The following AFAP1 variants were observed in gnomAD, a reference collection of about 807,000 sequenced individuals.
AFAP1 encodes actin filament-associated protein 1.
A neutral mutation model predicts 93.9 loss-of-function variants in AFAP1; 75 were observed. The ratio of observed to expected loss-of-function variants is 0.80; its 90% confidence interval spans 0.66 to 0.97. The LOEUF is 0.97. AFAP1 is among the 50% of genes least tolerant of loss of function. The pLI is 0.00. For missense variants in AFAP1, 1,201 were observed against 1,050.8 expected, an observed-to-expected ratio of 1.14 and a Z score of -1.98; for synonymous variants, 517 against 430.7, an observed-to-expected ratio of 1.20 and a Z score of -2.48.
Position 7,842,041 on chromosome 4 carries a change from T to C in AFAP1, c.546+1098A>G, listed in dbSNP as rs944904645. ...ATTATGTATTTCTAAAACATTCATA[T>C]AATATATCCACATCTTGTAGCCATT... On this transcript the variant is annotated intron_variant, in intron 5 of 17. Coordinates refer to ENST00000420658, the MANE Select transcript of AFAP1 (RefSeq NM_001134647.2). 2.6e-5 allele frequency among the ~76,000 whole-genome samples: 4 copies of C among 152,218 alleles called. No individual in the cohort carries two copies. The South Asian group carries it at 8.3e-4, about 32-fold the overall frequency.
chr4:7,828,358 T>G (rs1192714167), intron 6 of AFAP1, among the ~76,000 whole-genome samples: 1 of 152,216 alleles, frequency 6.6e-6, no homozygotes, highest in Non-Finnish European at 1.5e-5. Context: ...TTAAGATGGT[T>G]GCCTTAGGGT....
intron 16 of AFAP1, chr4:7,772,586 C>G: frequency 1.9e-6 from 1 of 534,538 alleles, no homozygotes; most frequent in Non-Finnish European, 3.3e-6. Flanking sequence ...AAGACACAGA[C>G]TCAGCATTTC....
intron 6 of AFAP1, among the ~76,000 whole-genome samples, chr4:7,836,400 A>C (rs558521600): frequency 1.3e-5 from 2 of 152,340 alleles, no homozygotes; most frequent in Admixed American, 1.3e-4. Flanking sequence ...GTGGCTGCCT[A>C]AGAAGAACAG....
At chr4:7,897,361 G>T (rs1288679288) in intron 1 of AFAP1, among the ~76,000 whole-genome samples, 1 of 152,184 alleles carries the variant, frequency 6.6e-6, no homozygotes, top group Non-Finnish European at 1.5e-5. Flanking sequence ...TAAATGAGCT[G>T]AACACACAAC....
intron 6 of AFAP1, among the ~76,000 whole-genome samples, chr4:7,831,992 T>C (rs908037413): frequency 6.6e-6 from 1 of 152,144 alleles, no homozygotes; most frequent in Non-Finnish European, 1.5e-5. Flanking sequence ...AACCCTGACT[T>C]AGACCCCCTG....
In AFAP1 at chr4:7,793,742, A is replaced by G; in HGVS notation, c.1351T>C (p.Tyr451His). ...GSSTDPEALHYDYIDVEMSAS... is the reference protein window; with the variant it reads ...GSSTDPEALHHDYIDVEMSAS... ...GACATCTCCACATCAATGTAGTCAT[A>G]GTGCAGAGCCTCCGGGTCTGTGGAC... The change falls in exon 11 of 18, where the codon TAT becomes CAT. Residue 451 changes from tyrosine to histidine, a missense_variant. Coordinates refer to ENST00000420658, the MANE Select transcript of AFAP1 (RefSeq NM_001134647.2). 2 of 1,578,428 alleles carry G rather than the reference A, an allele frequency of 1.3e-6. No individual in the cohort carries two copies. Among genetic ancestry groups the G allele is most frequent in the East Asian group, 2.3e-5 (1 of 44,176 alleles).
At chr4:7,808,198 G>A (rs577257752) in intron 9 of AFAP1, among the ~76,000 whole-genome samples, 39 of 152,126 alleles carry the variant, frequency 2.6e-4, no homozygotes, top group Non-Finnish European at 4.9e-4. Context: ...TCTCGAAAAC[G>A]TAGCTCATCA....
chr4:7,866,198 GTTT>G (rs999526802), intron 3 of AFAP1, among the ~76,000 whole-genome samples: 2 of 128,902 alleles, frequency 1.6e-5, no homozygotes, highest in Non-Finnish European at 3.2e-5. Context: ...CGCCCAGCAG[GTTT>G]TTTGTTTTTT....
chr4:7,837,341 G>A (rs1712424373), intron 6 of AFAP1, among the ~76,000 whole-genome samples: 1 of 152,146 alleles, frequency 6.6e-6, no homozygotes, highest in Admixed American at 6.5e-5. Context: ...ACTAGGTCAT[G>A]AGGGCAGAGC....
At chr4:7,907,798 T>A (rs769946461) in intron 1 of AFAP1, among the ~76,000 whole-genome samples, 13 of 152,212 alleles carry the variant, frequency 8.5e-5, no homozygotes, top group Non-Finnish European at 1.5e-4. Context: ...GGATATTCAA[T>A]CTGCATTGTT....
chr4:7,857,064 CT>C (rs1257281485), intron 3 of AFAP1, among the ~76,000 whole-genome samples: 1 of 152,114 alleles, frequency 6.6e-6, no homozygotes, highest in Non-Finnish European at 1.5e-5. Context: ...TATTCTTTCT[CT>C]CTCCCCTTTT....
chr4:7,827,241 AT>A lies in AFAP1; in HGVS notation c.727-8071del, dbSNP rs11297729. Among the ~76,000 whole-genome samples, 1,374 of 152,218 alleles carry A rather than the reference AT, an allele frequency of 9.0e-3. 16 individuals carry two copies. Among genetic ancestry groups the A allele is most frequent in the African/African-American group, 0.023 (953 of 41,528 alleles). The stretch of plus-strand genomic sequence containing the variant: ...GGAGTATCCACAATCTACGGGAAGT[AT>A]CAGAGGACCCAACATACCTACAGAT... On this transcript the variant is annotated intron_variant, in intron 6 of 17. Coordinates refer to ENST00000420658, the MANE Select transcript of AFAP1 (RefSeq NM_001134647.2).
intron 1 of AFAP1, among the ~76,000 whole-genome samples, chr4:7,883,045 T>C (rs1482488120): frequency 6.6e-6 from 1 of 150,876 alleles, no homozygotes; most frequent in African/African-American, 2.4e-5. Flanking sequence ...ATTAGCCAGA[T>C]GTGATGGCAC....
intron 7 of AFAP1, 30 bp downstream of exon 7, chr4:7,819,046 G>A (rs200629240): frequency 2.3e-5 from 35 of 1,552,128 alleles, no homozygotes; most frequent in Admixed American, 9.8e-5. Context: ...CAAGGTCACC[G>A]TCCCCACCCA....
chr4:7,904,898 G>A (rs1354154507), intron 1 of AFAP1, among the ~76,000 whole-genome samples: 1 of 152,072 alleles, frequency 6.6e-6, no homozygotes, highest in Non-Finnish European at 1.5e-5. Context: ...TTGTAGGGAT[G>A]GGGTTTTGCT....
At position 7,758,967 on chromosome 4, in the gene AFAP1, C is replaced by T. The variant is rs986895634; in HGVS notation, c.*4798G>A. On this transcript the variant is annotated 3_prime_UTR_variant, in exon 18 of 18. Transcript: ENST00000420658. The stretch of plus-strand genomic sequence containing the variant: ...AGTCATTTGAAGTGGGCACTACTAA[C>T]ATATTTAATTTAAAAAAATCTTTGC... 2.0e-5 allele frequency: 3 copies of T among 152,322 alleles called. No individual in the cohort carries two copies. Among genetic ancestry groups the T allele is most frequent in the African/African-American group, 4.8e-5 (2 of 41,442 alleles). The allele number at this position is 152,322 out of a possible 1,614,324, so 9.4% of individuals were successfully genotyped here. A position where few individuals can be genotyped will look rare whatever the true frequency, so the allele number is the denominator to read the frequency against.
At chr4:7,930,817 C>G (rs919074617) in intron 1 of AFAP1, among the ~76,000 whole-genome samples, 1 of 151,980 alleles carries the variant, frequency 6.6e-6, no homozygotes, top group Non-Finnish European at 1.5e-5. Flanking sequence ...GTGGTGCAAT[C>G]TCAGCTCACT....
intron 11 of AFAP1, among the ~76,000 whole-genome samples, chr4:7,786,995 G>A (rs1370455295): frequency 1.3e-5 from 2 of 152,256 alleles, no homozygotes; most frequent in Non-Finnish European, 2.9e-5. Context: ...GAGAGCCGCT[G>A]ACAGCGGCCC....
chr4:7,837,352 C>T (rs900442092), intron 6 of AFAP1, among the ~76,000 whole-genome samples: 2 of 152,106 alleles, frequency 1.3e-5, no homozygotes, highest in African/African-American at 4.8e-5. Context: ...AGGGCAGAGC[C>T]CCCATGAATG....
Sources: allele counts gnomAD v4.1 joint callset (sites outside exome capture counted in the v4.1 genomes callset), GRCh38; gene constraint gnomAD v4.1.1; transcripts MANE v1.5; gene names NCBI Gene and HGNC (gene_info 2026-07-23, HGNC 2026-07-21).